AGXT2: variants seen among roughly 807,000 people sequenced by gnomAD.
AGXT2 encodes the protein alanine--glyoxylate aminotransferase 2.
In AGXT2, 61 loss-of-function variants were observed where a neutral mutation model predicts 62.5. The observed-to-expected ratio is 0.98, with a 90% confidence interval of 0.79 to 1.21. The LOEUF (loss-of-function observed/expected upper bound fraction) is 1.21, where lower values mean the gene tolerates loss of function less well. Ranked by LOEUF, AGXT2 falls within the 50% of genes most tolerant of loss-of-function variation. The probability of loss-of-function intolerance (pLI) is 0.00; values close to 1 mark genes in which losing one functional copy is unlikely to be tolerated. For synonymous variants in AGXT2, 243 were observed against 218.7 expected, an observed-to-expected ratio of 1.11 and a Z score of -0.98; for missense variants, 666 against 641.5, an observed-to-expected ratio of 1.04 and a Z score of -0.41.
At chr5:35,019,997 C>T (rs1767005351) in intron 9 of AGXT2, among the ~76,000 whole-genome samples, 1 of 152,206 alleles carries the variant, frequency 6.6e-6, no homozygotes, top group Admixed American at 6.5e-5. Flanking sequence ...TTCCTCAACA[C>T]ATACACTCTC....
chr5:35,002,776 T>TGGGGTG (rs1554032852), intron 13 of AGXT2, among the ~76,000 whole-genome samples: 4 of 122,992 alleles, frequency 3.3e-5, no homozygotes, highest in African/African-American at 9.3e-5. Context: ...GATAGCAGGC[T>TGGGGTG]GGGGGGGGGG....
intron 7 of AGXT2, chr5:35,027,137 C>T: frequency 4.6e-6 from 2 of 436,510 alleles, no homozygotes; most frequent in Non-Finnish European, 6.1e-6. Flanking sequence ...AGGGACTATA[C>T]TTTGTTCATT....
At position 35,033,548 on chromosome 5, in the gene AGXT2, G is replaced by T; in HGVS notation, c.587C>A (p.Ala196Asp). ...NNIDIISFRG[A>D]YHGCSPYTLG... ...TGTGTAAGGACTGCATCCATGGTAG[G>T]CTCCTCTGCAGAGAAGAAACAACAG... is the stretch of plus-strand genomic sequence containing the variant. Residue 196 changes from alanine to aspartate, a missense_variant, in exon 6 of 14, where the codon GCC becomes GAC. Transcript: ENST00000231420. 6.2e-7 allele frequency: 1 copy of T among 1,613,350 alleles called. No homozygotes were observed.
At chr5:35,002,526 G>T (rs1431679073) in intron 13 of AGXT2, among the ~76,000 whole-genome samples, 2 of 152,206 alleles carry the variant, frequency 1.3e-5, no homozygotes, top group African/African-American at 4.8e-5. Context: ...CAAGGTGATG[G>T]TCTTGTGAAG....
chr5:34,999,597 C>A (rs1766152857), intron 13 of AGXT2, among the ~76,000 whole-genome samples: 1 of 152,120 alleles, frequency 6.6e-6, no homozygotes. Context: ...TCAGGGTCTC[C>A]AACTTCTGTG....
intron 7 of AGXT2, 101 bp downstream of exon 7, chr5:35,032,631 A>G: frequency 8.8e-7 from 1 of 1,137,332 alleles, no homozygotes; most frequent in East Asian, 2.6e-5. Flanking sequence ...TCCCTTTTCC[A>G]TGTTTTCAAA....
rs1767720912 is a variant in AGXT2 at position 35,035,304 on chromosome 5, C to T, written c.499G>A (p.Val167Met). ...LPEPLKVIFLVNSGSEANELA... is the reference protein window; with the variant it reads ...LPEPLKVIFLMNSGSEANELA... Reference sequence around the variant, plus strand: ...TCATTGGCTTCTGAGCCACTGTTCACCAAGAAAATGACCTGGAGAGGAAAG... The same window carrying T: ...TCATTGGCTTCTGAGCCACTGTTCATCAAGAAAATGACCTGGAGAGGAAAG... The change falls in exon 5 of 14, where the codon GTG (valine) becomes ATG (methionine). Residue 167 changes from valine (V) to methionine (M), a missense_variant. By Grantham distance (21) the Val-to-Met change is conservative. Transcript: ENST00000231420. 11 of 1,613,848 alleles carry T rather than the reference C, an allele frequency of 6.8e-6. No homozygotes were observed. In the East Asian group the frequency reaches 2.0e-4, roughly 29 times the overall value.
rs547889486 is a variant in AGXT2 at position 35,025,710 on chromosome 5, C to A, written c.963+53G>T. The A allele has an allele frequency of 3.6e-5, 57 of 1,564,080 alleles. 1 individual carries two copies. The South Asian group carries it at 5.5e-4, about 15-fold the overall frequency. ...CAGAGGAAGTTTAGGAGGTTTCTGT[C>A]TGTGCATCTCCTGTTCCCACTGCAC... On this transcript the variant is annotated intron_variant, in intron 9 of 13. Transcript: ENST00000231420.
At chr5:35,021,822 C>T (rs1767103634) in intron 9 of AGXT2, among the ~76,000 whole-genome samples, 1 of 152,182 alleles carries the variant, frequency 6.6e-6, no homozygotes, top group Non-Finnish European at 1.5e-5. Context: ...GCAACCTACT[C>T]ATCTGACAAA....
intron 2 of AGXT2, 41 bp from the exon 3 acceptor site, chr5:35,039,549 G>T: frequency 6.3e-7 from 1 of 1,593,772 alleles, no homozygotes; most frequent in Non-Finnish European, 8.6e-7. Flanking sequence ...CTTCTTACAA[G>T]ATCAATAGCA....
chr5:35,017,452 C>G (rs954571014), intron 9 of AGXT2, among the ~76,000 whole-genome samples: 2 of 152,106 alleles, frequency 1.3e-5, no homozygotes, highest in African/African-American at 4.8e-5. Flanking sequence ...GGGTGGTTCC[C>G]CCATACTGTT....
intron 9 of AGXT2, among the ~76,000 whole-genome samples, chr5:35,021,863 T>A (rs933903582): frequency 3.0e-4 from 46 of 152,008 alleles, no homozygotes; most frequent in Non-Finnish European, 4.1e-4. Flanking sequence ...CAATGAACTC[T>A]AACAAATTTA....
chr5:35,011,915 T>TACACACACAC (rs57016954), intron 11 of AGXT2, among the ~76,000 whole-genome samples: 4 of 140,842 alleles, frequency 2.8e-5, no homozygotes, highest in Non-Finnish European at 4.6e-5. Flanking sequence ...ATGTGGTGTA[T>TACACACACAC]ACACACACAC....
chr5:35,032,656 C>T (rs917593865), intron 7 of AGXT2, 76 bp downstream of exon 7: 5 of 1,291,214 alleles, frequency 3.9e-6, no homozygotes, highest in Admixed American at 2.0e-5. Flanking sequence ...ATTGTTCCCT[C>T]AGGGATGGGT....
chr5:35,007,670 C>A (rs1766480589), intron 12 of AGXT2, among the ~76,000 whole-genome samples: 1 of 152,154 alleles, frequency 6.6e-6, no homozygotes, highest in Non-Finnish European at 1.5e-5. Context: ...AGAGCCCATG[C>A]TTATACTAAC....
chr5:35,028,442 G>T (rs1205477958), intron 7 of AGXT2, among the ~76,000 whole-genome samples: 1 of 152,010 alleles, frequency 6.6e-6, no homozygotes, highest in East Asian at 1.9e-4. Flanking sequence ...AAATCCTGTG[G>T]ATGGGAGAGG....
At chr5:35,047,583 A>G (rs1197143776) in intron 1 of AGXT2, among the ~76,000 whole-genome samples, 2 of 152,158 alleles carry the variant, frequency 1.3e-5, no homozygotes, top group African/African-American at 4.8e-5. Context: ...GGGTTTCATT[A>G]TCCACGAATT....
At chr5:35,000,061 C>A (rs1766172496) in intron 13 of AGXT2, among the ~76,000 whole-genome samples, 1 of 152,190 alleles carries the variant, frequency 6.6e-6, no homozygotes, top group Admixed American at 6.5e-5. Context: ...ACTAAAAAGA[C>A]TGGTTGGTGC....
chr5:35,040,711 T>C, intron 1 of AGXT2, 48 bp from the exon 2 acceptor site: 1 of 1,470,600 alleles, frequency 6.8e-7, no homozygotes, highest in Non-Finnish European at 9.5e-7. Flanking sequence ...GACATAGGTC[T>C]GTTTGTGAAA....
Sources: gnomAD v4.1 joint callset for allele counts (sites outside exome capture counted in the v4.1 genomes callset) on GRCh38, gnomAD v4.1.1 for gene constraint, MANE v1.5 for transcripts, NCBI Gene and HGNC (gene_info 2026-07-23, HGNC 2026-07-21) for gene names.